The following PATJ variants were observed in gnomAD, a reference collection of about 807,000 sequenced individuals.
PATJ encodes the protein inaD-like protein.
PATJ carries 190 observed loss-of-function variants against 224.9 expected under a neutral mutation model. The observed-to-expected ratio is 0.84, with a 90% CI of 0.75 to 0.95. PATJ has a LOEUF of 0.95. Ranked by LOEUF, PATJ falls within the 40% of genes least tolerant of loss-of-function variation. PATJ has a pLI of 0.00. For missense variants in PATJ, 2,121 were observed against 2,270.3 expected (o/e 0.93, Z 1.34); for synonymous variants, 769 against 820.3 (o/e 0.94, Z 1.07).
At chr1:62,003,762 T>C (rs1645930705) in intron 28 of PATJ, among the ~76,000 whole-genome samples, 1 of 152,216 alleles carries the variant, frequency 6.6e-6, no homozygotes, top group Admixed American at 6.5e-5. Context: ...CTGGTACTCC[T>C]TTCCTCCCTT....
intron 17 of PATJ, among the ~76,000 whole-genome samples, chr1:61,851,274 A>C (rs929356489): frequency 5.3e-5 from 8 of 152,190 alleles, no homozygotes; most frequent in Non-Finnish European, 2.9e-5. Context: ...GCTGTAATTG[A>C]AGGTCTTTTT....
At chr1:62,082,830 C>T (rs539264789) in intron 32 of PATJ, among the ~76,000 whole-genome samples, 4 of 151,468 alleles carry the variant, frequency 2.6e-5, no homozygotes, top group Middle Eastern at 3.4e-3. Context: ...ATTCTTGATC[C>T]GCGAGCTATA....
At chr1:62,087,899 T>G (rs1181325705) in intron 33 of PATJ, among the ~76,000 whole-genome samples, 1 of 151,766 alleles carries the variant, frequency 6.6e-6, no homozygotes, top group South Asian at 2.1e-4. Flanking sequence ...TGTAATTTTT[T>G]TTTTTTTTTG....
intron 18 of PATJ, among the ~76,000 whole-genome samples, chr1:61,858,501 A>G (rs1664054741): frequency 1.3e-5 from 2 of 152,118 alleles, no homozygotes; most frequent in African/African-American, 2.4e-5. Flanking sequence ...AGCTCAAACA[A>G]TCCACCTGCC....
At chr1:61,769,483 T>C in intron 5 of PATJ, 61 bp downstream of exon 5, 1 of 1,515,824 alleles carries the variant, frequency 6.6e-7, no homozygotes. Flanking sequence ...AAAACTATTA[T>C]AAAGAGAGTG....
chr1:61,869,499 C>G (rs1665993580), intron 20 of PATJ, among the ~76,000 whole-genome samples: 1 of 152,150 alleles, frequency 6.6e-6, no homozygotes, highest in South Asian at 2.1e-4. Context: ...CGACCCACCT[C>G]AAGAGGGAAT....
intron 41 of PATJ, among the ~76,000 whole-genome samples, chr1:62,132,029 G>A (rs1666319442): frequency 6.6e-6 from 1 of 151,968 alleles, no homozygotes; most frequent in South Asian, 2.1e-4. Flanking sequence ...TATATTTTCA[G>A]TAGAGATGGG....
At chr1:62,127,100 C>A (rs762740055) in intron 39 of PATJ, among the ~76,000 whole-genome samples, 1 of 148,842 alleles carries the variant, frequency 6.7e-6, no homozygotes, top group Admixed American at 6.6e-5. Flanking sequence ...TGGGAATATG[C>A]GGGCCATAGT....
At chr1:61,827,362 A>G in intron 15 of PATJ, 60 bp from the exon 16 acceptor site, 2 of 1,410,438 alleles carry the variant, frequency 1.4e-6, no homozygotes. Flanking sequence ...TATAAATAAG[A>G]GATTTTTGTT....
At chr1:62,047,609 G>GGGGA (rs913395349) in intron 30 of PATJ, among the ~76,000 whole-genome samples, 1 of 152,074 alleles carries the variant, frequency 6.6e-6, no homozygotes, top group African/African-American at 2.4e-5. Context: ...CCTTCTTCAG[G>GGGGA]GGCTCCCACA....
At chr1:62,155,211 AG>A (rs1472002217) in intron 43 of PATJ, among the ~76,000 whole-genome samples, 4 of 152,142 alleles carry the variant, frequency 2.6e-5, no homozygotes, top group African/African-American at 4.8e-5. Context: ...GCCTCCACAA[AG>A]CTCCTCCAGA....
chr1:61,958,480 T>C (rs540710964), intron 27 of PATJ, among the ~76,000 whole-genome samples: 2 of 152,312 alleles, frequency 1.3e-5, no homozygotes, highest in South Asian at 4.1e-4. Flanking sequence ...ATTTGCAAAA[T>C]ATCTATACAC....
At chr1:61,985,848 AAGTT>A (rs1307203595) in intron 27 of PATJ, among the ~76,000 whole-genome samples, 1 of 152,024 alleles carries the variant, frequency 6.6e-6, no homozygotes, top group Non-Finnish European at 1.5e-5. Context: ...AACAAACAAA[AAGTT>A]AAGTAGAAAA....
At chr1:62,042,138 T>TG (rs1651612439) in intron 30 of PATJ, among the ~76,000 whole-genome samples, 1 of 152,246 alleles carries the variant, frequency 6.6e-6, no homozygotes, top group African/African-American at 2.4e-5. Flanking sequence ...TATTTGTATT[T>TG]CATTTTCAAA....
chr1:61,802,486 C>T (rs1027978366), intron 12 of PATJ, among the ~76,000 whole-genome samples: 2 of 151,972 alleles, frequency 1.3e-5, no homozygotes, highest in Non-Finnish European at 1.5e-5. Flanking sequence ...ACTATGTTGT[C>T]CAGGCTGGTT....
intron 42 of PATJ, among the ~76,000 whole-genome samples, chr1:62,153,031 C>CA (rs958841903): frequency 2.2e-5 from 3 of 135,712 alleles, no homozygotes; most frequent in Non-Finnish European, 4.5e-5. Flanking sequence ...AGCTCCGTCT[C>CA]AAAAAAAGAA....
At chr1:61,887,768 C>T (rs1040348863) in intron 22 of PATJ, among the ~76,000 whole-genome samples, 1 of 152,054 alleles carries the variant, frequency 6.6e-6, no homozygotes, top group African/African-American at 2.4e-5. Flanking sequence ...TGAAGGAAAA[C>T]CCAGAAAGGT....
chr1:62,122,197 T>G (rs2148919662), intron 38 of PATJ, among the ~76,000 whole-genome samples: 1 of 151,448 alleles, frequency 6.6e-6, no homozygotes, highest in South Asian at 2.1e-4. Context: ...AAACCTCGCC[T>G]GTACTAAAAA....
intron 24 of PATJ, among the ~76,000 whole-genome samples, chr1:61,907,955 C>G (rs546489586): frequency 6.6e-6 from 1 of 152,180 alleles, no homozygotes; most frequent in South Asian, 2.1e-4. Context: ...TGATAACAAG[C>G]AATTTACTTA....
Sources: allele counts gnomAD v4.1 joint callset (sites outside exome capture counted in the v4.1 genomes callset), GRCh38; gene constraint gnomAD v4.1.1; transcripts MANE v1.5; gene names NCBI Gene and HGNC (gene_info 2026-07-23, HGNC 2026-07-21).